Variants in TAB2 observed in about 807,000 individuals in gnomAD.
TAB2 encodes TGF-beta-activated kinase 1 and MAP3K7-binding protein 2.
TAB2 carries 3 observed loss-of-function variants against 65.0 expected under a neutral mutation model. That is an observed-to-expected ratio of 0.05 (90% confidence interval 0.02 to 0.12). The LOEUF (loss-of-function observed/expected upper bound fraction) is 0.12, where lower values mean the gene tolerates loss of function less well. Among genes scored for constraint, TAB2 ranks in the 10% least tolerant of loss-of-function variants. TAB2 has a pLI of 1.00. For synonymous variants in TAB2, 298 were observed against 285.1 expected (o/e 1.05, Z -0.46); for missense variants, 623 against 840.3 (o/e 0.74, Z 3.20).
chr6:149,329,159 A>C (rs945021490), intron 1 of TAB2, among the ~76,000 whole-genome samples: 3 of 152,222 alleles, frequency 2.0e-5, no homozygotes, highest in African/African-American at 7.2e-5. Context: ...GATGGAAGAC[A>C]AGTTCTTAAA....
intron 6 of TAB2, chr6:149,400,248 G>A (rs775029050): frequency 4.4e-5 from 38 of 865,158 alleles, no homozygotes; most frequent in Non-Finnish European, 6.3e-5. Context: ...AGCGGGAGGG[G>A]AGGGAGCCCA....
intron 1 of TAB2, among the ~76,000 whole-genome samples, chr6:149,327,867 G>A (rs1176906043): frequency 1.3e-5 from 2 of 152,168 alleles, no homozygotes; most frequent in Admixed American, 6.5e-5. Flanking sequence ...GCATTGACAC[G>A]TGTTGAATGC....
intron 1 of TAB2, among the ~76,000 whole-genome samples, chr6:149,298,472 C>T (rs1778915995): frequency 6.6e-6 from 1 of 152,058 alleles, no homozygotes; most frequent in Non-Finnish European, 1.5e-5. Context: ...ACAAAAAATA[C>T]AAAAACTTAA....
chr6:149,347,844 A>G (rs1028839445), intron 1 of TAB2, among the ~76,000 whole-genome samples: 2 of 152,190 alleles, frequency 1.3e-5, no homozygotes, highest in South Asian at 2.1e-4. Flanking sequence ...CTTGTATAAT[A>G]TGTCAATAAT....
intron 1 of TAB2, among the ~76,000 whole-genome samples, chr6:149,277,718 A>C (rs1229842742): frequency 6.6e-6 from 1 of 152,224 alleles, no homozygotes. Context: ...GTGGAAGGCC[A>C]TTAACTGTGC....
chr6:149,353,876 A>G (rs1429088025), intron 1 of TAB2, among the ~76,000 whole-genome samples: 1 of 152,208 alleles, frequency 6.6e-6, no homozygotes, highest in East Asian at 1.9e-4. Context: ...TTAAATATAT[A>G]TATTTGTGTA....
intron 1 of TAB2, among the ~76,000 whole-genome samples, chr6:149,308,498 C>CTATTTATT (rs528507201): frequency 1.7e-4 from 24 of 139,390 alleles, no homozygotes; most frequent in African/African-American, 4.9e-4. Flanking sequence ...GTGATATTTT[C>CTATTTATT]TATTTATTTA....
chr6:149,320,662 C>G (rs1779420442), intron 1 of TAB2, among the ~76,000 whole-genome samples: 2 of 145,288 alleles, frequency 1.4e-5, no homozygotes, highest in East Asian at 1.9e-4. Flanking sequence ...TGTGTATTTT[C>G]TAAAACAGCA....
At chr6:149,371,061 A>G (rs929595368) in intron 2 of TAB2, among the ~76,000 whole-genome samples, 7 of 77,590 alleles carry the variant, frequency 9.0e-5, no homozygotes, top group Admixed American at 2.0e-4. Flanking sequence ...GAGAGACCCT[A>G]TCTCAAAAAA....
At chr6:149,249,153 TAC>T (rs58209371) in intron 1 of TAB2, among the ~76,000 whole-genome samples, 16,922 of 112,372 alleles carry the variant, frequency 0.15, 1,820 homozygotes, top group African/African-American at 0.36. Flanking sequence ...CACACACACA[TAC>T]ACACACACAC....
intron 1 of TAB2, among the ~76,000 whole-genome samples, chr6:149,329,819 T>C (rs1378229211): frequency 6.6e-6 from 1 of 152,208 alleles, no homozygotes; most frequent in Non-Finnish European, 1.5e-5. Flanking sequence ...ATCTAATTTG[T>C]ATTTTCCCCC....
chr6:149,295,360 T>G (rs1017033873), intron 1 of TAB2, among the ~76,000 whole-genome samples: 12 of 152,224 alleles, frequency 7.9e-5, no homozygotes, highest in African/African-American at 2.7e-4. Flanking sequence ...TTTTGTTTTG[T>G]TTTGTTTAAT....
chr6:149,243,650 G>A (rs978360314), intron 1 of TAB2: 3 of 152,184 alleles, frequency 2.0e-5, no homozygotes, highest in Non-Finnish European at 4.4e-5. Context: ...TTGGCTGAAG[G>A]CACTTCCTCA....
chr6:149,357,020 A>G (rs898329674), intron 1 of TAB2, among the ~76,000 whole-genome samples: 2 of 152,226 alleles, frequency 1.3e-5, no homozygotes, highest in African/African-American at 4.8e-5. Flanking sequence ...ATTCACCAGC[A>G]TTATGACATT....
Position 149,273,098 on chromosome 6 carries a change from T to A in TAB2, c.-121+54322T>A, listed in dbSNP as rs114455811. On this transcript the variant is annotated intron_variant, in intron 1 of 1. Coordinates refer to the TAB2 transcript ENST00000606202. Reference sequence around the variant, plus strand: ...AAACTGGTCCCTGGCGACAAAAGCATCGAGGACCACTGATCGAGTGGGTAG... The same window carrying A: ...AAACTGGTCCCTGGCGACAAAAGCAACGAGGACCACTGATCGAGTGGGTAG... Among the ~76,000 whole-genome samples, 757 of 151,670 alleles carry A rather than the reference T, an allele frequency of 5.0e-3. 5 individuals are homozygous for A. The highest frequency in any genetic ancestry group is 0.018 in the African/African-American group (730 of 41,322).
At chr6:149,326,550 TTA>T (rs199719119) in intron 1 of TAB2, among the ~76,000 whole-genome samples, 118 of 40,352 alleles carry the variant, frequency 2.9e-3, no homozygotes, top group East Asian at 0.025. Context: ...GTTTTTGTTA[TTA>T]TTTTTTTTTT....
intron 1 of TAB2, among the ~76,000 whole-genome samples, chr6:149,254,026 A>G (rs28491166): frequency 8.4e-5 from 12 of 143,396 alleles, no homozygotes; most frequent in South Asian, 4.6e-4. Context: ...AAGAAAGAAA[A>G]GAAAGAAAGA....
intron 2 of TAB2, chr6:149,372,436 G>T (rs1429881559): frequency 6.6e-6 from 1 of 151,946 alleles, no homozygotes; most frequent in Non-Finnish European, 1.5e-5. Flanking sequence ...TTCTCAACAG[G>T]TATCTTTTTT....
chr6:149,377,867 AT>A, intron 2 of TAB2, 150 bp from the exon 3 acceptor site: 1 of 666,700 alleles, frequency 1.5e-6, no homozygotes, highest in Non-Finnish European at 2.5e-6. Context: ...TAATTCAATC[AT>A]TTGCATAAAA....
Sources: allele counts gnomAD v4.1 joint callset (sites outside exome capture counted in the v4.1 genomes callset), GRCh38; gene constraint gnomAD v4.1.1; transcripts MANE v1.5; gene names NCBI Gene and HGNC (gene_info 2026-07-23, HGNC 2026-07-21).